Variants in SCAF1 observed in about 807,000 individuals in gnomAD.
SCAF1 encodes splicing factor, arginine/serine-rich 19.
A neutral mutation model predicts 91.2 loss-of-function variants in SCAF1; 28 were observed. The ratio of observed to expected loss-of-function variants is 0.31; its 90% CI spans 0.23 to 0.42. The LOEUF (loss-of-function observed/expected upper bound fraction) is 0.42. Among genes scored for constraint, SCAF1 ranks in the 10% least tolerant of loss-of-function variants. The pLI is 1.00. For missense variants in SCAF1, 1,893 were observed against 1,872.1 expected, an observed-to-expected ratio of 1.01 and a Z score of -0.21; for synonymous variants, 1,036 against 833.7, an observed-to-expected ratio of 1.24 and a Z score of -4.18.
At position 49,651,834 on chromosome 19, in the gene SCAF1, T is replaced by C; in HGVS notation, c.1445T>C (p.Leu482Pro). ...AADSRWGGLD[L>P]RRKILTQRRE... ...GACTCGCGCTGGGGCGGCCTGGACC[T>C]GCGCCGCAAGATCCTGACCCAACGG... The change falls in exon 7 of 11, where the codon CTG becomes CCG. Residue 482 changes from leucine to proline, a missense_variant. Coordinates refer to ENST00000360565, the MANE Select transcript of SCAF1 (RefSeq NM_021228.3). The C allele has an allele frequency of 1.6e-6, 2 of 1,246,766 alleles. No homozygotes were observed. The highest frequency in any genetic ancestry group is 2.2e-5 in the South Asian group (1 of 45,556). 77.2% of individuals were successfully genotyped at this position (1,246,766 alleles called of 1,614,324 possible).
Position 49,651,295 on chromosome 19 carries a change from G to A in SCAF1, c.906G>A (p.Ala302=), listed in dbSNP as rs1266562174. The A allele has an allele frequency of 2.5e-6, 4 of 1,610,914 alleles. No individual in the cohort carries two copies. The highest frequency in any genetic ancestry group is 3.3e-5 in the Admixed American group (2 of 59,918). ...QSISRISETL[A]GIYDDNSLSQ... is the part of the protein sequence containing the mutation. The stretch of plus-strand genomic sequence containing the variant: ...TCAGCCGCATCTCGGAGACCCTGGC[G>A]GGCATCTACGATGACAACAGCCTGA... The change falls in exon 7 of 11, where the codon GCG becomes GCA. Residue 302 remains alanine, a synonymous_variant. Coordinates refer to ENST00000360565, the MANE Select transcript of SCAF1 (RefSeq NM_021228.3).
At position 49,645,388 on chromosome 19, in the gene SCAF1, A is replaced by T; in HGVS notation, c.143A>T (p.Gln48Leu). The change falls in exon 3 of 11, where the codon CAG becomes CTG. Residue 48 changes from glutamine to leucine, a missense_variant. By Grantham distance (113) the Gln-to-Leu change is moderately radical. This residue lies in a region of SCAF1 where 270 missense variants were observed against 292.5 expected (regional missense o/e 0.92). Transcript: ENST00000360565. This position sits in a 1 kb window ranked among gnomAD's most constrained non-coding sequence, Gnocchi z 4.6. The part of the protein sequence containing the change: ...AIQQAVGSSL[Q>L]GDLPNDKDGS... ...CAGCAGGCTGTGGGAAGCTCCCTGC[A>T]GGGGGACCTGCCCAATGATAAAGGT... is the stretch of plus-strand genomic sequence containing the variant. The T allele has an allele frequency of 6.2e-7, 1 of 1,613,834 alleles. No homozygotes were observed. The highest frequency in any genetic ancestry group is 1.1e-5 in the South Asian group (1 of 91,078).
intron 9 of SCAF1, among the ~76,000 whole-genome samples, chr19:49,656,557 C>G (rs990172675): frequency 5.3e-5 from 8 of 152,230 alleles, no homozygotes; most frequent in Non-Finnish European, 1.0e-4. Flanking sequence ...CCACGTGGCT[C>G]TCTGGCTAGA....
chr19:49,649,113 G>A (rs2081071525), intron 6 of SCAF1, among the ~76,000 whole-genome samples: 2 of 152,146 alleles, frequency 1.3e-5, no homozygotes, highest in Admixed American at 6.5e-5. Flanking sequence ...GGGTGTATCC[G>A]GAAGCTAATA....
rs1054724185 is a variant in SCAF1 at position 49,654,444 on chromosome 19, G to T, written c.3399+13G>T. ...GGCCACCAACCAGGTGGGCTCCCCT[G>T]GGGGAGAGTCCCTGCCGCCCCTTCT... is the stretch of plus-strand genomic sequence containing the variant. On this transcript the variant is annotated intron_variant, in intron 8 of 10. Transcript: ENST00000360565. 4 of 1,610,592 alleles carry T rather than the reference G, an allele frequency of 2.5e-6. No individual in the cohort carries two copies. The highest frequency in any genetic ancestry group is 2.7e-5 in the African/African-American group (2 of 74,894).
chr19:49,658,138 C>A, intron 10 of SCAF1, 70 bp from the exon 11 acceptor site: 1 of 1,499,002 alleles, frequency 6.7e-7, no homozygotes, highest in South Asian at 1.2e-5. Flanking sequence ...TTCCAAGCTG[C>A]GCCCAACAGT....
At chr19:49,644,998 A>G (rs375437278) in intron 1 of SCAF1, 23 bp from the exon 2 acceptor site, 28 of 1,585,662 alleles carry the variant, frequency 1.8e-5, no homozygotes, top group Non-Finnish European at 2.2e-5. Flanking sequence ...CTCCACTCCA[A>G]ACTCTCCCCC....
At chr19:49,640,488 A>G (rs914283483), upstream of SCAF1, among the ~76,000 whole-genome samples, 2 of 152,126 alleles carry the variant, frequency 1.3e-5, no homozygotes, top group Non-Finnish European at 2.9e-5. Context: ...CCCCTGTGAC[A>G]CTGCTGCTTG....
rs771633242 is a variant in SCAF1, at chr19:49,651,214, GGAAGAA to G, written c.831_836del (p.Glu281_Glu282del). 2.9e-5 allele frequency: 46 copies of G among 1,613,154 alleles called. No homozygotes were observed. The highest frequency in any genetic ancestry group is 1.2e-4 in the Admixed American group (7 of 59,940). On this transcript the variant is annotated inframe_deletion, in exon 7 of 11. Coordinates refer to ENST00000360565, the MANE Select transcript of SCAF1 (RefSeq NM_021228.3). ...CTGAGGAGGAAGAGGAGGAGGAAGA[GGAAGAA>G]GAAGAGGAAGAGGAAGACGAGGAGG...
At position 49,654,787 on chromosome 19, in the gene SCAF1, C is replaced by A; in HGVS notation, c.3535C>A (p.Pro1179Thr). 1 of 1,613,006 alleles carries A rather than the reference C, an allele frequency of 6.2e-7. No homozygotes were observed. Among genetic ancestry groups the A allele is most frequent in the Non-Finnish European group, 8.5e-7 (1 of 1,179,622 alleles). The change falls in exon 9 of 11, where the codon CCC becomes ACC. Residue 1179 changes from proline (P) to threonine (T), a missense_variant. Transcript: ENST00000360565. ...CCCTCTGGGGGGCTGCGGTTCGACC[C>A]CCCCCACCCCCACCGGGCTGGCTGC... is the stretch of plus-strand genomic sequence containing the variant. Reference protein sequence around the residue: ...SLPLGGCGSTPPTPTGLAATS... With the variant: ...SLPLGGCGSTTPTPTGLAATS...
rs569212468 is a variant in SCAF1, at chr19:49,655,017, C to G, written c.3618+147C>G. 7.8e-6 allele frequency: 5 copies of G among 643,282 alleles called. No individual in the cohort carries two copies. In the South Asian group the frequency reaches 1.2e-4, roughly 15 times the overall value. 39.8% of individuals were successfully genotyped at this position (643,282 alleles called of 1,614,324 possible). On this transcript the variant is annotated intron_variant, in intron 9 of 10. Coordinates refer to ENST00000360565, the MANE Select transcript of SCAF1 (RefSeq NM_021228.3). ...ACCAAAGTCATGGAACCATAAGGAA[C>G]TCCACTTTGCTGGAATGGGTGAGCA...
chr19:49,643,773 A>T (rs529465618), intron 1 of SCAF1, among the ~76,000 whole-genome samples: 1 of 152,240 alleles, frequency 6.6e-6, no homozygotes, highest in East Asian at 1.9e-4. Flanking sequence ...GGCTGAGCTT[A>T]TTGAGTATTG....
At position 49,653,548 on chromosome 19, in the gene SCAF1, CGCCCCAAGCACT is replaced by C. The variant is rs745612740; in HGVS notation, c.3165_3176del (p.Thr1057_Ser1060del). On this transcript the variant is annotated inframe_deletion, in exon 7 of 11. Coordinates refer to ENST00000360565, the MANE Select transcript of SCAF1 (RefSeq NM_021228.3). ...CCACGGCCACCAGCACTGCTGCAGC[CGCCCCAAGCACT>C]GCCCCCAGCGCGGGGTCCACAGCCG... The C allele has an allele frequency of 1.5e-5, 23 of 1,582,050 alleles. No homozygotes were observed. The highest frequency in any genetic ancestry group is 1.9e-5 in the Non-Finnish European group (22 of 1,168,234).
rs773090145 is a variant in SCAF1, at chr19:49,652,660, C to A, written c.2271C>A (p.Ala757=). ...SQKDRRRSGA[A]SSSSSSREKG... is the part of the protein sequence containing the mutation. ...AGGATCGGCGCCGCTCGGGGGCCGC[C>A]TCCTCCTCCTCCTCTTCCCGGGAGA... is the stretch of plus-strand genomic sequence containing the variant. The change falls in exon 7 of 11, where the codon GCC becomes GCA. Residue 757 remains alanine, a synonymous_variant. Coordinates refer to ENST00000360565, the MANE Select transcript of SCAF1 (RefSeq NM_021228.3). 2 of 1,540,454 alleles carry A rather than the reference C, an allele frequency of 1.3e-6. No homozygotes were observed. The highest frequency in any genetic ancestry group is 1.8e-6 in the Non-Finnish European group (2 of 1,139,754).
intron 1 of SCAF1, among the ~76,000 whole-genome samples, chr19:49,643,380 C>T (rs920969989): frequency 6.6e-6 from 1 of 152,176 alleles, no homozygotes; most frequent in African/African-American, 2.4e-5. Flanking sequence ...TCACCTTCCA[C>T]GAATTGACAT....
rs1417415907 is a variant in SCAF1, at chr19:49,658,381, G to A, written c.3921G>A (p.Leu1307=). 5 of 1,547,138 alleles carry A rather than the reference G, an allele frequency of 3.2e-6. No individual in the cohort carries two copies. In the African/African-American group the frequency reaches 5.5e-5, roughly 17 times the overall value. Residue 1307 remains leucine, a synonymous_variant, in exon 11 of 11, where the codon CTG becomes CTA. Coordinates refer to ENST00000360565, the MANE Select transcript of SCAF1 (RefSeq NM_021228.3). ...CCCCAGACAAGGGTGGCCCGGGCCT[G>A]CCCCTGCCCCCTCTCTGAGAGCCCT... The part of the protein sequence containing the change: ...PGPPDKGGPG[L]PLPPL
chr19:49,642,275 C>T lies in SCAF1; in HGVS notation c.-7+33C>T, dbSNP rs2081030826. On this transcript the variant is annotated intron_variant, in intron 1 of 10. Coordinates refer to ENST00000360565, the MANE Select transcript of SCAF1 (RefSeq NM_021228.3). This position sits in a 1 kb window ranked among gnomAD's most constrained non-coding sequence, Gnocchi z 4.0. ...GGCGGCGGCAGTCCGGGCCGCGGGG[C>T]TCGGGCCTATTGGGGTGGGCGGGGC... is the stretch of plus-strand genomic sequence containing the variant. 1 of 152,176 alleles carries T rather than the reference C, an allele frequency of 6.6e-6. No homozygotes were observed. Among genetic ancestry groups the T allele is most frequent in the African/African-American group, 2.4e-5 (1 of 41,448 alleles). 9.4% of individuals were successfully genotyped at this position (152,176 alleles called of 1,614,324 possible).
At position 49,652,981 on chromosome 19, in the gene SCAF1, C is replaced by A. The variant is rs764856968; in HGVS notation, c.2592C>A (p.Val864=). 4 of 1,613,868 alleles carry A rather than the reference C, an allele frequency of 2.5e-6. No homozygotes were observed. The highest frequency in any genetic ancestry group is 3.4e-6 in the Non-Finnish European group (4 of 1,180,022). The change falls in exon 7 of 11, where the codon GTC becomes GTA. Residue 864 remains valine (V), a synonymous_variant. Transcript: ENST00000360565. ...AASAGLGSIG[V]KFSRDRESRS... Reference sequence around the variant, plus strand: ...CAGCCGGCCTGGGCTCCATTGGCGTCAAATTCAGCCGTGACCGCGAGAGTC... The same window carrying A: ...CAGCCGGCCTGGGCTCCATTGGCGTAAAATTCAGCCGTGACCGCGAGAGTC...
intron 1 of SCAF1, among the ~76,000 whole-genome samples, chr19:49,643,750 G>A (rs1358159215): frequency 6.6e-6 from 1 of 152,194 alleles, no homozygotes; most frequent in African/African-American, 2.4e-5. Context: ...GCAGTTCCAG[G>A]GCCAGGAACT....
Sources: gnomAD v4.1 joint callset for allele counts (sites outside exome capture counted in the v4.1 genomes callset) on GRCh38, gnomAD v4.1.1 for gene constraint, gnomAD v4.1.1 regional missense constraint, Gnocchi (gnomAD v3.1) non-coding constraint, MANE v1.5 for transcripts, NCBI Gene and HGNC (gene_info 2026-07-23, HGNC 2026-07-21) for gene names.